CYFIP2: variants seen among roughly 807,000 people sequenced by gnomAD.
CYFIP2 encodes the protein cytoplasmic FMR1 interacting protein 2.
Under a neutral mutation model 158.7 loss-of-function variants are expected in CYFIP2, and 29 were observed. That is an observed-to-expected ratio of 0.18 (90% CI 0.14 to 0.25). CYFIP2 has a LOEUF of 0.25. Ranked by LOEUF, CYFIP2 falls within the 10% of genes least tolerant of loss-of-function variation. CYFIP2 has a pLI of 1.00. For synonymous variants in CYFIP2, 585 were observed against 617.6 expected, an observed-to-expected ratio of 0.95 and a Z score of 0.78; for missense variants, 852 against 1,639.5, an observed-to-expected ratio of 0.52 and a Z score of 8.29.
rs913769599 is a variant in CYFIP2 at position 157,377,718 on chromosome 5, G to A, written c.3040-4872G>A. ...GTCAGAATGAAAGTCTTCAGAATTT[G>A]GTACAACCTTGTTGGGTATCTAGAT... On this transcript the variant is annotated intron_variant, in intron 26 of 30. Transcript: ENST00000620254. Among the ~76,000 whole-genome samples, 4 of 152,160 alleles carry A rather than the reference G, an allele frequency of 2.6e-5. No individual in the cohort carries two copies. In the East Asian group the frequency reaches 7.7e-4, roughly 29 times the overall value.
chr5:157,389,444 G>C lies in CYFIP2; in HGVS notation c.3446+17G>C. On this transcript the variant is annotated intron_variant, in intron 29 of 30. Coordinates refer to ENST00000620254, the MANE Select transcript of CYFIP2 (RefSeq NM_001037333.3). ...CACAGCTGAGTGAGTACCCCCCAGAGAAGGCAGGGTTACCCCCAACCTGCC... is the reference window on the plus strand; with the variant it reads ...CACAGCTGAGTGAGTACCCCCCAGACAAGGCAGGGTTACCCCCAACCTGCC... 6.4e-7 allele frequency: 1 copy of C among 1,553,810 alleles called. No homozygotes were observed. The highest frequency in any genetic ancestry group is 1.2e-5 in the South Asian group (1 of 84,500).
At chr5:157,348,099 T>G (rs1243520911) in intron 23 of CYFIP2, among the ~76,000 whole-genome samples, 1 of 152,270 alleles carries the variant, frequency 6.6e-6, no homozygotes, top group African/African-American at 2.4e-5. Context: ...CTCTTCGCTC[T>G]CAGGCCAGGT....
chr5:157,359,925 G>A (rs1763687059), intron 24 of CYFIP2, among the ~76,000 whole-genome samples: 1 of 152,224 alleles, frequency 6.6e-6, no homozygotes, highest in African/African-American at 2.4e-5. Context: ...CTTGGGCACA[G>A]GAGGGATGAA....
At chr5:157,332,038 A>G (rs1166079888) in intron 20 of CYFIP2, among the ~76,000 whole-genome samples, 1 of 152,162 alleles carries the variant, frequency 6.6e-6, no homozygotes, top group Non-Finnish European at 1.5e-5. Flanking sequence ...TGAAGGCACA[A>G]TGTGGGCCCT....
intron 21 of CYFIP2, among the ~76,000 whole-genome samples, chr5:157,334,115 A>C (rs968494804): frequency 6.6e-6 from 1 of 152,258 alleles, no homozygotes; most frequent in African/African-American, 2.4e-5. Flanking sequence ...CCGTTAGAAC[A>C]TAATAAAAAT....
At chr5:157,303,986 C>G (rs1759001180) in intron 7 of CYFIP2, among the ~76,000 whole-genome samples, 1 of 152,024 alleles carries the variant, frequency 6.6e-6, no homozygotes, top group Non-Finnish European at 1.5e-5. Context: ...CACTTTCTAA[C>G]CATCAGAACT....
intron 3 of CYFIP2, among the ~76,000 whole-genome samples, chr5:157,293,231 T>G (rs1757978055): frequency 6.6e-6 from 1 of 152,168 alleles, no homozygotes; most frequent in Non-Finnish European, 1.5e-5. Context: ...AATTTTTGTA[T>G]TTTTAGTAGA....
chr5:157,385,919 G>T (rs551525389), intron 28 of CYFIP2, among the ~76,000 whole-genome samples: 5 of 152,184 alleles, frequency 3.3e-5, no homozygotes, highest in Non-Finnish European at 5.9e-5. Flanking sequence ...GAGGGGAATA[G>T]AAAAGAAATG....
At chr5:157,339,866 A>G (rs140366327) in intron 22 of CYFIP2, among the ~76,000 whole-genome samples, 2 of 152,344 alleles carry the variant, frequency 1.3e-5, no homozygotes, top group East Asian at 3.9e-4. Context: ...GGGTAAAACT[A>G]GTCGGGTGGG....
At chr5:157,290,796 G>A (rs1757764902) in intron 3 of CYFIP2, among the ~76,000 whole-genome samples, 2 of 152,332 alleles carry the variant, frequency 1.3e-5, no homozygotes, top group Non-Finnish European at 2.9e-5. Flanking sequence ...CAATGTGGGT[G>A]TATGAGATGC....
chr5:157,357,808 G>A (rs573722782), intron 23 of CYFIP2, among the ~76,000 whole-genome samples: 4 of 151,778 alleles, frequency 2.6e-5, no homozygotes, highest in South Asian at 4.2e-4. Context: ...TAGCCTGGGC[G>A]ACAGAGCAAG....
chr5:157,390,316 G>A (rs761583379), intron 29 of CYFIP2, among the ~76,000 whole-genome samples: 4 of 151,688 alleles, frequency 2.6e-5, no homozygotes, highest in African/African-American at 7.3e-5. Flanking sequence ...ATTTGTGGCC[G>A]GAAGGACTTA....
rs767518510 is a variant in CYFIP2 at position 157,342,870 on chromosome 5, C to T, written c.2673+1713C>T. ...CGCTCTCCTCCCCACTCTCATTCCC[C>T]ACAATGAGGCAGTATAGCGGGTGGG... On this transcript the variant is annotated intron_variant, in intron 23 of 30. Transcript: ENST00000620254. 3.0e-5 allele frequency: 48 copies of T among 1,610,220 alleles called. No homozygotes were observed. In the Middle Eastern group the frequency reaches 4.9e-4, roughly 17 times the overall value.
In CYFIP2 at chr5:157,266,535, G is replaced by C. The variant is rs1425448644; in HGVS notation, c.-24+340G>C. The C allele has an allele frequency of 6.6e-6, 1 of 152,318 alleles. No individual in the cohort carries two copies. The highest frequency in any genetic ancestry group is 2.4e-5 in the African/African-American group (1 of 41,454). The allele number at this position is 152,318 out of a possible 1,614,324, so 9.4% of individuals were successfully genotyped here. A position where few individuals can be genotyped will look rare whatever the true frequency, so the allele number is the denominator to read the frequency against. On this transcript the variant is annotated intron_variant, in intron 1 of 30. Coordinates refer to ENST00000620254, the MANE Select transcript of CYFIP2 (RefSeq NM_001037333.3). The surrounding 1 kb of genome is among the most constrained non-coding windows in gnomAD (Gnocchi z 4.2). ...GGCGGTGCTAATCTCAGGGACCGGA[G>C]ACACCTGCAGCGGCCGCGAGCCCGG...
Position 157,392,746 on chromosome 5 carries a change from C to G in CYFIP2, c.3595-87C>G, listed in dbSNP as rs75607380. ...TGACATGATCACTGATGCAGGGGAC[C>G]CTGGACCTCAGTGACTTCTCCTGTT... On this transcript the variant is annotated intron_variant, in intron 30 of 30. Coordinates refer to ENST00000620254, the MANE Select transcript of CYFIP2 (RefSeq NM_001037333.3). 5,213 of 1,454,618 alleles carry G rather than the reference C, an allele frequency of 3.6e-3. 141 individuals are homozygous for G. The African/African-American group carries it at 0.058, about 16-fold the overall frequency. The allele number at this position is 1,454,618 out of a possible 1,614,324, so 90.1% of individuals were successfully genotyped here.
At chr5:157,279,701 G>T (rs1756845314) in intron 1 of CYFIP2, among the ~76,000 whole-genome samples, 1 of 152,210 alleles carries the variant, frequency 6.6e-6, no homozygotes, top group South Asian at 2.1e-4. Flanking sequence ...AGAATTTGCA[G>T]CTGTGTTTGG....
intron 21 of CYFIP2, among the ~76,000 whole-genome samples, chr5:157,337,073 A>G (rs6862928): frequency 0.46 from 70,550 of 151,916 alleles, 18,221 homozygotes; most frequent in African/African-American, 0.71. Flanking sequence ...ACAAGGCACC[A>G]CAGTGTGCCA....
intron 23 of CYFIP2, among the ~76,000 whole-genome samples, chr5:157,357,887 A>T (rs1457151948): frequency 6.6e-6 from 1 of 152,192 alleles, no homozygotes; most frequent in African/African-American, 2.4e-5. Context: ...TAAAAAACTG[A>T]GTATCATTTA....
intron 14 of CYFIP2, 21 bp downstream of exon 14, chr5:157,319,949 A>C (rs1180521497): frequency 4.3e-6 from 7 of 1,612,416 alleles, no homozygotes; most frequent in Non-Finnish European, 5.9e-6. Flanking sequence ...AGATGCCTTC[A>C]GGAGCATATC....
Sources: gnomAD v4.1 joint callset for allele counts (sites outside exome capture counted in the v4.1 genomes callset) on GRCh38, gnomAD v4.1.1 for gene constraint, Gnocchi (gnomAD v3.1) non-coding constraint, MANE v1.5 for transcripts, NCBI Gene and HGNC (gene_info 2026-07-23, HGNC 2026-07-21) for gene names.